The following TBC1D22A variants were observed in gnomAD, a reference collection of about 807,000 sequenced individuals.
TBC1D22A encodes the protein TBC1 domain family member 22A.
TBC1D22A carries 38 observed loss-of-function variants against 60.2 expected under a neutral mutation model. The observed-to-expected ratio is 0.63, with a 90% CI of 0.49 to 0.83. The LOEUF (loss-of-function observed/expected upper bound fraction) is 0.83. Ranked by LOEUF, TBC1D22A falls within the 40% of genes least tolerant of loss-of-function variation. The pLI, the probability that TBC1D22A is intolerant of heterozygous loss-of-function variation, is 0.00. For missense variants in TBC1D22A, 628 were observed against 701.0 expected (o/e 0.90, Z 1.18); for synonymous variants, 302 against 281.7 (o/e 1.07, Z -0.72).
intron 4 of TBC1D22A, among the ~76,000 whole-genome samples, chr22:46,842,161 T>A (rs2086799941): frequency 6.6e-6 from 1 of 152,210 alleles, no homozygotes; most frequent in South Asian, 2.1e-4. Flanking sequence ...ACAGGCACCA[T>A]CAATTTTGCA....
rs186014670 is a variant in TBC1D22A at position 47,167,244 on chromosome 22, C to T, written c.1426-6254C>T. On this transcript the variant is annotated intron_variant, in intron 12 of 12. Transcript: ENST00000337137. Reference sequence around the variant, plus strand: ...AGGTAACACCCAGGCAGGTGCACAGCGGGGAACCTTCATGTGCCTGGCTCA... The same window carrying T: ...AGGTAACACCCAGGCAGGTGCACAGTGGGGAACCTTCATGTGCCTGGCTCA... 6.0e-4 allele frequency among the ~76,000 whole-genome samples: 92 copies of T among 152,328 alleles called. No homozygotes were observed. In the East Asian group the frequency reaches 9.1e-3, roughly 15 times the overall value.
At chr22:47,108,938 G>A (rs546678778) in intron 11 of TBC1D22A, among the ~76,000 whole-genome samples, 4 of 152,112 alleles carry the variant, frequency 2.6e-5, no homozygotes, top group East Asian at 1.9e-4. Flanking sequence ...CTTGTGATCC[G>A]CCCGCTTCGG....
chr22:46,764,760 T>C (rs1415375397), intron 1 of TBC1D22A, among the ~76,000 whole-genome samples: 2 of 151,834 alleles, frequency 1.3e-5, no homozygotes, highest in Non-Finnish European at 2.9e-5. Flanking sequence ...GAAACAGAGA[T>C]TGGAATAGTA....
chr22:46,971,262 C>T (rs377320077), intron 8 of TBC1D22A, among the ~76,000 whole-genome samples: 2 of 152,186 alleles, frequency 1.3e-5, no homozygotes, highest in African/African-American at 2.4e-5. Flanking sequence ...GCCTGGCTCA[C>T]GCGGCGCCTG....
intron 5 of TBC1D22A, among the ~76,000 whole-genome samples, chr22:46,881,300 T>C (rs2067837981): frequency 6.6e-6 from 1 of 152,198 alleles, no homozygotes; most frequent in Non-Finnish European, 1.5e-5. Flanking sequence ...TTTTAGGCAC[T>C]GTGTCGGGTG....
At chr22:46,955,999 C>A (rs1388005744) in intron 8 of TBC1D22A, among the ~76,000 whole-genome samples, 2 of 151,982 alleles carry the variant, frequency 1.3e-5, no homozygotes, top group Non-Finnish European at 2.9e-5. Flanking sequence ...TTCTGTGTCG[C>A]CCTAAACATG....
At chr22:46,996,678 C>T (rs532660145) in intron 9 of TBC1D22A, among the ~76,000 whole-genome samples, 47 of 152,326 alleles carry the variant, frequency 3.1e-4, no homozygotes, top group African/African-American at 1.0e-3. Context: ...AAAATGCCCC[C>T]GACCACCGGC....
In TBC1D22A at chr22:46,797,573, G is replaced by A. The variant is rs372774075; in HGVS notation, c.590G>A (p.Arg197Gln). Residue 197 changes from arginine (R) to glutamine (Q), a missense_variant, in exon 4 of 13, where the codon CGG (arginine) becomes CAG (glutamine). By Grantham distance (43) the Arg-to-Gln change is conservative. Coordinates refer to ENST00000337137, the MANE Select transcript of TBC1D22A (RefSeq NM_014346.5). ...SSALSEREAS[R>Q]LDKFKQLLAG... The stretch of plus-strand genomic sequence containing the variant: ...GCGCTGAGCGAAAGAGAGGCCTCCC[G>A]GCTCGACAAGTTCAAGCAGCTGCTT... 2 of 1,612,898 alleles carry A rather than the reference G, an allele frequency of 1.2e-6. No homozygotes were observed. Among genetic ancestry groups the A allele is most frequent in the Middle Eastern group, 1.6e-4 (1 of 6,078 alleles).
chr22:46,764,473 A>C (rs2083217446), intron 1 of TBC1D22A, among the ~76,000 whole-genome samples: 1 of 152,244 alleles, frequency 6.6e-6, no homozygotes, highest in Non-Finnish European at 1.5e-5. Context: ...CTTAGATGTA[A>C]GAATAACAGA....
intron 11 of TBC1D22A, among the ~76,000 whole-genome samples, chr22:47,068,323 A>T (rs1487123740): frequency 6.6e-6 from 1 of 152,366 alleles, no homozygotes; most frequent in South Asian, 2.1e-4. Context: ...ACTGCTAGCC[A>T]TCAGGAGAGC....
intron 12 of TBC1D22A, among the ~76,000 whole-genome samples, chr22:47,172,045 C>CCCGG (rs2068493699): frequency 1.1e-5 from 1 of 92,502 alleles, no homozygotes; most frequent in East Asian, 1.5e-3. Flanking sequence ...CTACCCAGCA[C>CCCGG]TCCCAGTGAG....
At chr22:46,839,427 G>A (rs2086657575) in intron 4 of TBC1D22A, among the ~76,000 whole-genome samples, 1 of 151,650 alleles carries the variant, frequency 6.6e-6, no homozygotes, top group African/African-American at 2.4e-5. Context: ...TACTTTAACA[G>A]TTGGTAAAAG....
chr22:46,923,160 T>C (rs555102460), intron 8 of TBC1D22A, among the ~76,000 whole-genome samples: 1 of 152,308 alleles, frequency 6.6e-6, no homozygotes, highest in South Asian at 2.1e-4. Flanking sequence ...CTGGTAAATA[T>C]AGATAAGTTA....
At chr22:47,105,271 C>T (rs2065591970) in intron 11 of TBC1D22A, among the ~76,000 whole-genome samples, 1 of 152,056 alleles carries the variant, frequency 6.6e-6, no homozygotes, top group Admixed American at 6.5e-5. Context: ...CCTCCTCTTT[C>T]CGGTGGTGTG....
At chr22:47,045,398 G>A (rs941477046) in intron 11 of TBC1D22A, among the ~76,000 whole-genome samples, 1 of 152,160 alleles carries the variant, frequency 6.6e-6, no homozygotes, top group Non-Finnish European at 1.5e-5. Flanking sequence ...GCTCCCTCCC[G>A]GAAGCGGTCA....
At chr22:46,770,104 G>A (rs1451418848) in intron 1 of TBC1D22A, among the ~76,000 whole-genome samples, 1 of 152,202 alleles carries the variant, frequency 6.6e-6, no homozygotes, top group Non-Finnish European at 1.5e-5. Context: ...TACCTGGTGG[G>A]CCCAGTGTAA....
chr22:46,871,200 C>T lies in TBC1D22A; in HGVS notation c.638-7453C>T, dbSNP rs77554237. On this transcript the variant is annotated intron_variant, in intron 4 of 12. Transcript: ENST00000337137. ...TGAGTCCTAAATGTGTATGTACCAG[C>T]TTTACAATGCATGAAGCAAACATTG... Among the ~76,000 whole-genome samples, 8 of 152,282 alleles carry T rather than the reference C, an allele frequency of 5.3e-5. No individual in the cohort carries two copies. The East Asian group carries it at 7.7e-4, about 15-fold the overall frequency.
chr22:47,141,554 C>T (rs538015360), intron 12 of TBC1D22A, among the ~76,000 whole-genome samples: 6 of 152,330 alleles, frequency 3.9e-5, no homozygotes, highest in East Asian at 3.9e-4. Flanking sequence ...CCAGGGCAGC[C>T]GACTCCACGT....
chr22:46,881,076 G>T (rs1367215108), intron 5 of TBC1D22A, among the ~76,000 whole-genome samples: 1 of 152,052 alleles, frequency 6.6e-6, no homozygotes, highest in African/African-American at 2.4e-5. Context: ...GGACAAGCAG[G>T]AACACAGGCT....
Sources: gnomAD v4.1 joint callset for allele counts (sites outside exome capture counted in the v4.1 genomes callset) on GRCh38, gnomAD v4.1.1 for gene constraint, MANE v1.5 for transcripts, NCBI Gene and HGNC (gene_info 2026-07-23, HGNC 2026-07-21) for gene names.